The following GABRB1 variants were observed in gnomAD, a reference collection of about 807,000 sequenced individuals.
GABRB1 encodes the protein gamma-aminobutyric acid receptor subunit beta-1.
GABRB1 carries 17 observed loss-of-function variants against 51.6 expected under a neutral mutation model. That is an observed-to-expected ratio of 0.33 (90% confidence interval 0.23 to 0.49). GABRB1 has a LOEUF of 0.49. Among genes scored for constraint, GABRB1 ranks in the 20% least tolerant of loss-of-function variants. The probability of loss-of-function intolerance (pLI) is 0.99; values close to 1 mark genes in which losing one functional copy is unlikely to be tolerated. For synonymous variants in GABRB1, 247 were observed against 218.9 expected (o/e 1.13, Z -1.14); for missense variants, 410 against 600.6 (o/e 0.68, Z 3.32).
intron 5 of GABRB1, among the ~76,000 whole-genome samples, chr4:47,368,289 A>T (rs1247104180): frequency 6.6e-6 from 1 of 152,162 alleles, no homozygotes; most frequent in Non-Finnish European, 1.5e-5. Flanking sequence ...CCACGTCCCT[A>T]GTTGGTATTA....
chr4:47,108,625 C>G (rs1715084299), intron 3 of GABRB1, among the ~76,000 whole-genome samples: 1 of 152,002 alleles, frequency 6.6e-6, no homozygotes, highest in African/African-American at 2.4e-5. Flanking sequence ...GCCATACTAT[C>G]ATATTAATTA....
intron 3 of GABRB1, among the ~76,000 whole-genome samples, chr4:47,153,437 A>T (rs980884012): frequency 6.6e-6 from 1 of 152,094 alleles, no homozygotes; most frequent in African/African-American, 2.4e-5. Context: ...TGTAAATTTT[A>T]TCATATCTAT....
At chr4:47,091,875 T>C (rs80157420) in intron 3 of GABRB1, among the ~76,000 whole-genome samples, 1 of 152,282 alleles carries the variant, frequency 6.6e-6, no homozygotes, top group East Asian at 1.9e-4. Context: ...CTCCCGCTGT[T>C]AGTGTCTTCG....
intron 3 of GABRB1, among the ~76,000 whole-genome samples, chr4:47,115,333 A>G (rs1707757299): frequency 6.6e-6 from 1 of 152,160 alleles, no homozygotes; most frequent in Non-Finnish European, 1.5e-5. Flanking sequence ...AAATTTGGTT[A>G]CTAACTTTGA....
chr4:47,125,802 G>T (rs1349162796), intron 3 of GABRB1, among the ~76,000 whole-genome samples: 1 of 149,322 alleles, frequency 6.7e-6, no homozygotes, highest in Non-Finnish European at 1.5e-5. Flanking sequence ...TGATCCGCCC[G>T]CCTCGGCCTC....
intron 4 of GABRB1, among the ~76,000 whole-genome samples, chr4:47,212,896 A>T (rs17539326): frequency 0.043 from 6,552 of 152,290 alleles, 199 homozygotes; most frequent in Non-Finnish European, 0.066. Context: ...GTGTAAGCAT[A>T]GGTGGAAGTA....
chr4:47,399,457 GC>G (rs1373948732), intron 5 of GABRB1, among the ~76,000 whole-genome samples: 1 of 151,094 alleles, frequency 6.6e-6, no homozygotes, highest in Non-Finnish European at 1.5e-5. Flanking sequence ...GATTTTCTGT[GC>G]CTCCTTATTT....
intron 3 of GABRB1, among the ~76,000 whole-genome samples, chr4:47,109,920 C>T (rs1465445613): frequency 6.6e-6 from 1 of 151,912 alleles, no homozygotes; most frequent in Non-Finnish European, 1.5e-5. Context: ...TAAAATGGAA[C>T]AATCAGAAGC....
intron 5 of GABRB1, among the ~76,000 whole-genome samples, chr4:47,357,552 C>T (rs6856148): frequency 0.41 from 62,481 of 152,010 alleles, 13,393 homozygotes; most frequent in Middle Eastern, 0.47. Flanking sequence ...ATCACTCACA[C>T]TCATTGCAAA....
chr4:47,150,537 T>C (rs1284846662), intron 3 of GABRB1, among the ~76,000 whole-genome samples: 2 of 152,014 alleles, frequency 1.3e-5, no homozygotes, highest in African/African-American at 4.8e-5. Context: ...AAATGAGTTA[T>C]ATTTCTACTC....
intron 5 of GABRB1, among the ~76,000 whole-genome samples, chr4:47,398,035 T>A (rs1424484176): frequency 6.6e-6 from 1 of 152,226 alleles, no homozygotes; most frequent in Non-Finnish European, 1.5e-5. Context: ...ATGCTATGCC[T>A]TTTATTTGTT....
chr4:47,284,711 G>A (rs796879218), intron 4 of GABRB1, among the ~76,000 whole-genome samples: 24 of 152,278 alleles, frequency 1.6e-4, no homozygotes, highest in African/African-American at 5.5e-4. Flanking sequence ...TGATTGGTAT[G>A]TTCTCTTGAT....
intron 4 of GABRB1, among the ~76,000 whole-genome samples, chr4:47,214,904 A>G (rs1000828046): frequency 6.6e-6 from 1 of 152,212 alleles, no homozygotes; most frequent in Admixed American, 6.5e-5. Context: ...AGCTAGGTAT[A>G]TGACAGCCCT....
chr4:47,229,388 C>T (rs1447775916), intron 4 of GABRB1, among the ~76,000 whole-genome samples: 1 of 152,034 alleles, frequency 6.6e-6, no homozygotes, highest in Non-Finnish European at 1.5e-5. Flanking sequence ...CATGCATTAC[C>T]ACACACAGTT....
rs930732589 is a variant in GABRB1, at chr4:47,374,084, C to A, written c.545-29234C>A. On this transcript the variant is annotated intron_variant, in intron 5 of 8. Coordinates refer to ENST00000295454, the MANE Select transcript of GABRB1 (RefSeq NM_000812.4). ...ATGCAAAGCCCTTGAGAATTGCACC[C>A]AGAAAATGAGTGAACAATCAGAAGC... Among the ~76,000 whole-genome samples the A allele has an allele frequency of 1.2e-4, 18 of 152,258 alleles. No individual in the cohort carries two copies. The Middle Eastern group carries it at 0.01, about 86-fold the overall frequency.
At chr4:47,179,543 T>C (rs1718857752) in intron 4 of GABRB1, among the ~76,000 whole-genome samples, 1 of 152,110 alleles carries the variant, frequency 6.6e-6, no homozygotes, top group African/African-American at 2.4e-5. Context: ...AAATGGGCCA[T>C]ACTTTTAAGT....
At chr4:47,211,222 C>T (rs1720342810) in intron 4 of GABRB1, among the ~76,000 whole-genome samples, 1 of 152,130 alleles carries the variant, frequency 6.6e-6, no homozygotes. Context: ...TCCTTATCTA[C>T]TCACTGTAGC....
chr4:47,355,505 G>T (rs553954333), intron 5 of GABRB1, among the ~76,000 whole-genome samples: 1 of 152,242 alleles, frequency 6.6e-6, no homozygotes, highest in South Asian at 2.1e-4. Context: ...AGAATGTGAA[G>T]GTGGGGGTAG....
chr4:47,424,482 CCTTT>C (rs1044129332), intron 8 of GABRB1, among the ~76,000 whole-genome samples: 6 of 152,094 alleles, frequency 3.9e-5, no homozygotes, highest in African/African-American at 1.4e-4. Flanking sequence ...ATCCTCTGTC[CCTTT>C]CTTTTCTTTC....
Sources: allele counts gnomAD v4.1 joint callset (sites outside exome capture counted in the v4.1 genomes callset), GRCh38; gene constraint gnomAD v4.1.1; transcripts MANE v1.5; gene names NCBI Gene and HGNC (gene_info 2026-07-23, HGNC 2026-07-21).